RBFOX1: variants seen among roughly 807,000 people sequenced by gnomAD.
RBFOX1 encodes the protein RNA binding protein fox-1 homolog 1.
Under a neutral mutation model 57.7 loss-of-function variants are expected in RBFOX1, and 8 were observed. The observed-to-expected ratio is 0.14, with a 90% CI of 0.08 to 0.25. RBFOX1 has a LOEUF of 0.25. Among genes scored for constraint, RBFOX1 ranks in the 10% least tolerant of loss-of-function variants. The pLI is 1.00. For missense variants in RBFOX1, 611 were observed against 548.5 expected (o/e 1.11, Z -1.14); for synonymous variants, 326 against 222.4 (o/e 1.47, Z -4.15).
chr16:6,676,247 G>C (rs781221535), intron 3 of RBFOX1, among the ~76,000 whole-genome samples: 1 of 151,930 alleles, frequency 6.6e-6, no homozygotes, highest in Non-Finnish European at 1.5e-5. Flanking sequence ...TTGTAGTTAC[G>C]GGGAGTTCGG....
intron 2 of RBFOX1, among the ~76,000 whole-genome samples, chr16:6,524,527 A>T (rs926405009): frequency 6.6e-6 from 1 of 152,084 alleles, no homozygotes; most frequent in Non-Finnish European, 1.5e-5. Context: ...AACATTTAGG[A>T]TGAGGGTAAG....
rs184707940 is a variant in RBFOX1, at chr16:7,657,361, A to G, written c.890+3414A>G. Among the ~76,000 whole-genome samples, 921 of 152,264 alleles carry G rather than the reference A, an allele frequency of 6.0e-3. 21 individuals are homozygous for G. The highest frequency in any genetic ancestry group is 0.02 in the African/African-American group (840 of 41,568). On this transcript the variant is annotated intron_variant, in intron 12 of 15. Transcript: ENST00000550418. The stretch of plus-strand genomic sequence containing the variant: ...ACTCTGTCACCCAGGCTTGAGTGCA[A>G]TGGCACGATCTCGACTCACTGCAAC...
intron 3 of RBFOX1, among the ~76,000 whole-genome samples, chr16:5,646,323 G>C (rs1275400666): frequency 6.6e-6 from 1 of 151,564 alleles, no homozygotes; most frequent in Non-Finnish European, 1.5e-5. Flanking sequence ...CTGTGTTGTG[G>C]AGATAGGGTC....
intron 3 of RBFOX1, among the ~76,000 whole-genome samples, chr16:5,861,051 C>G (rs566890936): frequency 6.6e-6 from 1 of 152,144 alleles, no homozygotes; most frequent in African/African-American, 2.4e-5. Context: ...CCAGAGAGAA[C>G]CAGCTGCAAG....
At chr16:5,285,205 G>T (rs560620166) in intron 1 of RBFOX1, among the ~76,000 whole-genome samples, 1 of 152,218 alleles carries the variant, frequency 6.6e-6, no homozygotes, top group South Asian at 2.1e-4. Flanking sequence ...TTCAACTTCA[G>T]AAATTCTTTG....
chr16:7,288,266 T>C (rs2095689800), intron 4 of RBFOX1, among the ~76,000 whole-genome samples: 1 of 152,324 alleles, frequency 6.6e-6, no homozygotes, highest in South Asian at 2.1e-4. Context: ...ACATCAATTG[T>C]TCAACTTTCA....
chr16:5,259,336 A>G (rs1322292349), intron 1 of RBFOX1, among the ~76,000 whole-genome samples: 1 of 152,166 alleles, frequency 6.6e-6, no homozygotes, highest in Non-Finnish European at 1.5e-5. Flanking sequence ...GCTAGGACCT[A>G]TGTTTGCAAA....
chr16:5,604,094 A>G (rs1352080160), downstream of RBFOX1, among the ~76,000 whole-genome samples: 1 of 152,216 alleles, frequency 6.6e-6, no homozygotes, highest in Non-Finnish European at 1.5e-5. Flanking sequence ...CCAAGGCAGT[A>G]AGCATAGTGC....
chr16:6,158,219 G>A (rs2096852356), intron 1 of RBFOX1, among the ~76,000 whole-genome samples: 1 of 152,306 alleles, frequency 6.6e-6, no homozygotes, highest in Non-Finnish European at 1.5e-5. Flanking sequence ...CAACTGTCCG[G>A]CGGGGCCTTG....
At chr16:6,995,599 A>C (rs150170469) in intron 3 of RBFOX1, among the ~76,000 whole-genome samples, 6 of 152,104 alleles carry the variant, frequency 3.9e-5, no homozygotes, top group African/African-American at 7.2e-5. Context: ...GTCTCTACTA[A>C]ACATACAAAA....
intron 4 of RBFOX1, among the ~76,000 whole-genome samples, chr16:7,407,843 C>G (rs1221566961): frequency 6.6e-6 from 1 of 152,050 alleles, no homozygotes; most frequent in Non-Finnish European, 1.5e-5. Flanking sequence ...AACTATGGCC[C>G]TGGGACCTAA....
chr16:6,854,383 G>T (rs1180638547), intron 3 of RBFOX1, among the ~76,000 whole-genome samples: 1 of 152,002 alleles, frequency 6.6e-6, no homozygotes, highest in East Asian at 1.9e-4. Flanking sequence ...TTATTAAAAA[G>T]CTTATCTAAG....
intron 4 of RBFOX1, among the ~76,000 whole-genome samples, chr16:7,175,518 C>G (rs2081486477): frequency 6.6e-6 from 1 of 152,238 alleles, no homozygotes; most frequent in African/African-American, 2.4e-5. Flanking sequence ...CTCATTGAGC[C>G]TATGGGCTGG....
At chr16:5,285,520 T>G (rs1461909810) in intron 1 of RBFOX1, among the ~76,000 whole-genome samples, 10 of 152,250 alleles carry the variant, frequency 6.6e-5, no homozygotes, top group African/African-American at 2.4e-4. Context: ...TTATGTTTCC[T>G]TTTTCATATT....
At chr16:5,446,323 G>T (rs746936972) in intron 1 of RBFOX1, among the ~76,000 whole-genome samples, 2 of 152,126 alleles carry the variant, frequency 1.3e-5, no homozygotes, top group Admixed American at 1.3e-4. Flanking sequence ...AAAAAGGAAG[G>T]TATGCATCCT....
chr16:7,297,307 G>A (rs1440550518), intron 4 of RBFOX1, among the ~76,000 whole-genome samples: 5 of 152,192 alleles, frequency 3.3e-5, no homozygotes, highest in Admixed American at 6.5e-5. Flanking sequence ...ACATAACTGG[G>A]TTTGGAAATC....
intron 1 of RBFOX1, among the ~76,000 whole-genome samples, chr16:6,261,653 T>C (rs994141556): frequency 1.4e-5 from 1 of 69,222 alleles, no homozygotes; most frequent in Non-Finnish European, 5.9e-5. Flanking sequence ...TCAGCGAGGC[T>C]GTGAGTGACA....
chr16:5,561,448 C>G (rs557492452), intron 2 of RBFOX1, among the ~76,000 whole-genome samples: 2 of 152,110 alleles, frequency 1.3e-5, no homozygotes, highest in East Asian at 1.9e-4. Flanking sequence ...CAGACATTCT[C>G]TTTCTTTCCT....
At chr16:7,061,835 C>A (rs571861402) in intron 4 of RBFOX1, among the ~76,000 whole-genome samples, 1 of 151,946 alleles carries the variant, frequency 6.6e-6, no homozygotes, top group Admixed American at 6.6e-5. Flanking sequence ...CCTTTGAGGT[C>A]TAAATACCAT....
Sources: gnomAD v4.1 joint callset for allele counts (sites outside exome capture counted in the v4.1 genomes callset) on GRCh38, gnomAD v4.1.1 for gene constraint, MANE v1.5 for transcripts, NCBI Gene and HGNC (gene_info 2026-07-23, HGNC 2026-07-21) for gene names.